Variants in GATD1 observed in about 807,000 individuals in gnomAD.
GATD1 encodes the protein glutamine amidotransferase-like class 1 domain-containing protein 1.
A neutral mutation model predicts 25.9 loss-of-function variants in GATD1; 23 were observed. The observed-to-expected ratio is 0.89, with a 90% confidence interval of 0.64 to 1.26. The LOEUF is 1.26. Ranked by LOEUF, GATD1 falls within the 50% of genes most tolerant of loss-of-function variation. The pLI is 0.00. For missense variants in GATD1, 347 were observed against 312.5 expected, an observed-to-expected ratio of 1.11 and a Z score of -0.83; for synonymous variants, 177 against 134.6, an observed-to-expected ratio of 1.31 and a Z score of -2.18.
Position 767,736 on chromosome 11 carries a change from G to A in GATD1, c.*3161C>T. 1 of 597,466 alleles carries A rather than the reference G, an allele frequency of 1.7e-6. No individual in the cohort carries two copies. The highest frequency in any genetic ancestry group is 2.2e-6 in the Non-Finnish European group (1 of 449,986). 37.0% of individuals were successfully genotyped at this position (597,466 alleles called of 1,614,324 possible). On this transcript the variant is annotated 3_prime_UTR_variant, in exon 8 of 8. Coordinates refer to ENST00000319863, the MANE Select transcript of GATD1 (RefSeq NM_182612.4). Reference sequence around the variant, plus strand: ...CAGGGCAGGGGCACAGCCTCATCATGGGACCATCACCCTCACAAAAGAGGT... The same window carrying A: ...CAGGGCAGGGGCACAGCCTCATCATAGGACCATCACCCTCACAAAAGAGGT...
intron 5 of GATD1, 28 bp downstream of exon 5, chr11:772,399 C>A: frequency 6.3e-7 from 1 of 1,579,966 alleles, no homozygotes; most frequent in Middle Eastern, 1.7e-4. Flanking sequence ...GCAGGGAGCA[C>A]AGCGTGCCTC....
chr11:775,177 G>T, intron 1 of GATD1, 35 bp from the exon 2 acceptor site: 1 of 1,555,902 alleles, frequency 6.4e-7, no homozygotes, highest in South Asian at 1.2e-5. Context: ...GGCTCGACAG[G>T]ACTAGCGTGC....
In GATD1 at chr11:771,373, C is replaced by T; in HGVS notation, c.504G>A (p.Val168=). The T allele has an allele frequency of 6.3e-7, 1 of 1,586,890 alleles. No individual in the cohort carries two copies. Among genetic ancestry groups the T allele is most frequent in the East Asian group, 2.2e-5 (1 of 44,604 alleles). Residue 168 remains valine, a synonymous_variant, in exon 6 of 8, where the codon GTG becomes GTA. Transcript: ENST00000319863. ...RAPGFARLPL[V]VEDFVKDSGA... ...CCGAATCCTTCACGAAGTCCTCCAC[C>T]ACGAGCGGCAGGCGGGCGAAGCCGG...
chr11:774,133 G>A lies in GATD1; in HGVS notation c.142-20C>T, dbSNP rs1863729066. On this transcript the variant is annotated intron_variant, in intron 2 of 7. Coordinates refer to ENST00000319863, the MANE Select transcript of GATD1 (RefSeq NM_182612.4). ...TTTCCCCTGGAGAAGCAGAGCCCAG[G>A]GGCCGAGGGTCAGCACCAGGGATAT... 6.2e-7 allele frequency: 1 copy of A among 1,604,616 alleles called. No homozygotes were observed. Among genetic ancestry groups the A allele is most frequent in the Admixed American group, 1.7e-5 (1 of 59,980 alleles).
chr11:777,306 C>A, intron 1 of GATD1, 93 bp downstream of exon 1: 1 of 1,044,658 alleles, frequency 9.6e-7, no homozygotes, highest in Non-Finnish European at 1.2e-6. Flanking sequence ...TCCGGCGCCA[C>A]GTGACGCGCG....
At position 769,283 on chromosome 11, in the gene GATD1, C is replaced by A; in HGVS notation, c.*1614G>T. The A allele has an allele frequency of 1.0e-6, 1 of 985,386 alleles. No homozygotes were observed. The highest frequency in any genetic ancestry group is 1.2e-6 in the Non-Finnish European group (1 of 829,946). The allele number at this position is 985,386 out of a possible 1,614,324, so 61.0% of individuals were successfully genotyped here. The stretch of plus-strand genomic sequence containing the variant: ...GATGTGGCTGCAGCGCTTCCTTCTT[C>A]CACTTTTTTCCAAATTCTCCTTATT... On this transcript the variant is annotated 3_prime_UTR_variant, in exon 8 of 8. Coordinates refer to ENST00000319863, the MANE Select transcript of GATD1 (RefSeq NM_182612.4).
chr11:775,858 G>A (rs1455020643), intron 1 of GATD1, among the ~76,000 whole-genome samples: 1 of 151,762 alleles, frequency 6.6e-6, no homozygotes, highest in Non-Finnish European at 1.5e-5. Flanking sequence ...ACACAGCCCC[G>A]CCCACCCTGC....
rs1173778832 is a variant in GATD1, at chr11:774,102, C to A, written c.153G>T (p.Met51Ile). The part of the protein sequence containing the change: ...LQVATPGGKA[M>I]EFVDVTESNA... ...TGCTCTCAGTCACATCCACAAATTC[C>A]ATGGCTTTCCCCTGGAGAAGCAGAG... The change falls in exon 3 of 8, where the codon ATG becomes ATT. Residue 51 changes from methionine to isoleucine, a missense_variant. Met to Ile is a conservative substitution (Grantham distance 10, BLOSUM62 1). Transcript: ENST00000319863. The A allele has an allele frequency of 2.5e-6, 4 of 1,613,564 alleles. No homozygotes were observed. The highest frequency in any genetic ancestry group is 1.7e-5 in the Admixed American group (1 of 60,022).
chr11:774,024 C>A lies in GATD1; in HGVS notation c.231G>T (p.Lys77Asn), dbSNP rs1383399497. ...FRLKAYASPA[K>N]LESIDGARYH... The stretch of plus-strand genomic sequence containing the variant: ...CGGGCCTACCATCGATGGACTCGAG[C>A]TTGGCGGGGCTGGCGTAAGCCTTGA... The change falls in exon 3 of 8, where the codon AAG becomes AAT. Residue 77 changes from lysine to asparagine, a missense_variant. Lys to Asn is a moderately conservative substitution (Grantham distance 94). Coordinates refer to ENST00000319863, the MANE Select transcript of GATD1 (RefSeq NM_182612.4). The A allele has an allele frequency of 6.2e-7, 1 of 1,613,646 alleles. No homozygotes were observed. Among genetic ancestry groups the A allele is most frequent in the East Asian group, 2.2e-5 (1 of 44,892 alleles).
chr11:774,201 C>T, intron 2 of GATD1, 88 bp from the exon 3 acceptor site: 1 of 1,108,612 alleles, frequency 9.0e-7, no homozygotes, highest in Non-Finnish European at 1.3e-6. Context: ...GACAAGGGAC[C>T]CAACAGCATC....
chr11:768,336 G>C lies in GATD1; in HGVS notation c.*2561C>G, dbSNP rs942577486. ...ATACAAAAACTAGCTGGGCGTAGTG[G>C]CATGCACCTGTAGTCCCAGTTACTC... On this transcript the variant is annotated 3_prime_UTR_variant, in exon 8 of 8. Transcript: ENST00000319863. The C allele has an allele frequency of 7.2e-5, 11 of 152,082 alleles. No homozygotes were observed. Among genetic ancestry groups the C allele is most frequent in the African/African-American group, 2.4e-4 (10 of 41,370 alleles). 9.4% of individuals were successfully genotyped at this position (152,082 alleles called of 1,614,324 possible). A position where few individuals can be genotyped will look rare whatever the true frequency, so the allele number is the denominator to read the frequency against.
At chr11:771,455 A>G (rs1863441334) in intron 5 of GATD1, 29 bp from the exon 6 acceptor site, 6 of 1,510,338 alleles carry the variant, frequency 4.0e-6, no homozygotes, top group Non-Finnish European at 5.3e-6. Context: ...GGCTCCTGAG[A>G]CAGGCCCAGG....
In GATD1 at chr11:777,381, C is replaced by T; in HGVS notation, c.64+18G>A. 1.5e-6 allele frequency: 2 copies of T among 1,294,380 alleles called. No homozygotes were observed. Among genetic ancestry groups the T allele is most frequent in the Non-Finnish European group, 9.8e-7 (1 of 1,018,844 alleles). The allele number at this position is 1,294,380 out of a possible 1,614,324, so 80.2% of individuals were successfully genotyped here. A position where few individuals can be genotyped will look rare whatever the true frequency, so the allele number is the denominator to read the frequency against. ...CGCGGACGCTCTTCGGACACTGGCC[C>T]CGGCCGCCGGGCCTCACCTTCGGCG... On this transcript the variant is annotated intron_variant, in intron 1 of 7. Coordinates refer to ENST00000319863, the MANE Select transcript of GATD1 (RefSeq NM_182612.4).
chr11:775,174 C>A (rs1328677259), intron 1 of GATD1, 32 bp from the exon 2 acceptor site: 1 of 1,568,196 alleles, frequency 6.4e-7, no homozygotes, highest in Non-Finnish European at 8.7e-7. Flanking sequence ...GTGGGCTCGA[C>A]AGGACTAGCG....
In GATD1 at chr11:771,076, C is replaced by T. The variant is rs374173107; in HGVS notation, c.573G>A (p.Val191=). The part of the protein sequence containing the change: ...SASEPDAVHV[V]LDRHLVTGQN... The stretch of plus-strand genomic sequence containing the variant: ...GGCCTGTGACCAGGTGGCGGTCCAG[C>T]ACGACGTGGACAGCGTCAGGCTCGC... Residue 191 remains valine (V), a synonymous_variant, in exon 7 of 8, where the codon GTG becomes GTA. Transcript: ENST00000319863. 1.9e-5 allele frequency: 31 copies of T among 1,609,138 alleles called. No homozygotes were observed. The Admixed American group carries it at 2.4e-4, about 12-fold the overall frequency.
At position 770,796 on chromosome 11, in the gene GATD1, G is replaced by A; in HGVS notation, c.*101C>T. ...AGGGCCAGACCAGGCTGCCATCCAG[G>A]GCCCTTGTCAGGAGGGAAGAGGCGG... On this transcript the variant is annotated 3_prime_UTR_variant, in exon 8 of 8. Coordinates refer to ENST00000319863, the MANE Select transcript of GATD1 (RefSeq NM_182612.4). The A allele has an allele frequency of 6.5e-7, 1 of 1,536,900 alleles. No homozygotes were observed. The highest frequency in any genetic ancestry group is 8.8e-7 in the Non-Finnish European group (1 of 1,142,010).
rs2133606819 is a variant in GATD1 at position 770,151 on chromosome 11, C to A, written c.*746G>T. ...GCCACAGCCCAGGCCAGGTGCCCAG[C>A]AGGCTGGACCACTGTCTGCTCTTGA... On this transcript the variant is annotated 3_prime_UTR_variant, in exon 8 of 8. Transcript: ENST00000319863. 1 of 1,252,556 alleles carries A rather than the reference C, an allele frequency of 8.0e-7. No homozygotes were observed. Among genetic ancestry groups the A allele is most frequent in the Non-Finnish European group, 1.0e-6 (1 of 997,612 alleles). The allele number at this position is 1,252,556 out of a possible 1,614,324, so 77.6% of individuals were successfully genotyped here. A position where few individuals can be genotyped will look rare whatever the true frequency, so the allele number is the denominator to read the frequency against.
At chr11:773,733 G>T in intron 3 of GATD1, 104 bp from the exon 4 acceptor site, 2 of 847,194 alleles carry the variant, frequency 2.4e-6, no homozygotes, top group Non-Finnish European at 3.7e-6. Context: ...ACAGGGACCA[G>T]CCAGCCTGGT....
chr11:772,508 G>T lies in GATD1; in HGVS notation c.369C>A (p.Ala123=). The change falls in exon 5 of 8, where the codon GCC becomes GCA. Residue 123 remains alanine, a synonymous_variant. Coordinates refer to ENST00000319863, the MANE Select transcript of GATD1 (RefSeq NM_182612.4). The stretch of plus-strand genomic sequence containing the variant: ...ACAGGGCGGCGACACCGTGGCCGAC[G>T]GCGCAGATGGGTTCTGAAAGCCGTA... ...HFHSESKPIC[A]VGHGVAALCC... 1 of 1,611,392 alleles carries T rather than the reference G, an allele frequency of 6.2e-7. No homozygotes were observed. The highest frequency in any genetic ancestry group is 8.5e-7 in the Non-Finnish European group (1 of 1,179,926).
Sources: gnomAD v4.1 joint callset for allele counts (sites outside exome capture counted in the v4.1 genomes callset) on GRCh38, gnomAD v4.1.1 for gene constraint, MANE v1.5 for transcripts, NCBI Gene and HGNC (gene_info 2026-07-23, HGNC 2026-07-21) for gene names.